Variants in GBP7 observed in about 807,000 individuals in gnomAD.
The protein encoded by GBP7 is guanylate-binding protein 7.
GBP7 carries 43 observed loss-of-function variants against 61.3 expected under a neutral mutation model. That is an observed-to-expected ratio of 0.70 (90% CI 0.55 to 0.91). GBP7 has a LOEUF of 0.91. Ranked by LOEUF, GBP7 falls within the 40% of genes least tolerant of loss-of-function variation. The pLI is 0.00. For synonymous variants in GBP7, 267 were observed against 271.0 expected (o/e 0.99, Z 0.14); for missense variants, 717 against 740.5 (o/e 0.97, Z 0.37).
intron 3 of GBP7, among the ~76,000 whole-genome samples, chr1:89,164,253 C>T (rs1350461625): frequency 6.6e-6 from 1 of 152,188 alleles, no homozygotes; most frequent in Non-Finnish European, 1.5e-5. Context: ...CCTACAAACC[C>T]CACACACCTT....
rs139544379 is a variant in GBP7 at position 89,132,390 on chromosome 1, A to G, written c.1676T>C (p.Leu559Pro). The G allele has an allele frequency of 1.6e-4, 251 of 1,608,804 alleles. 16 individuals carry two copies. Among genetic ancestry groups the G allele is most frequent in the East Asian group, 6.0e-4 (27 of 44,854 alleles). Residue 559 changes from leucine (L) to proline (P), a missense_variant, in exon 11 of 11, where the codon CTG becomes CCG. Leu to Pro is a moderately conservative substitution (Grantham distance 98, BLOSUM62 -3). Transcript: ENST00000294671. ...TATCTCTTTAAATCCTTCAGTAAGCAGTTCTTCTAGGACCTATAAAAGTAA... is the reference window on the plus strand; with the variant it reads ...TATCTCTTTAAATCCTTCAGTAAGCGGTTCTTCTAGGACCTATAAAAGTAA... Reference protein sequence around the residue: ...LSHKMKVLEELLTEGFKEIFE... With the variant: ...LSHKMKVLEEPLTEGFKEIFE...
At chr1:89,136,822 A>T (rs1410465341) in intron 9 of GBP7, among the ~76,000 whole-genome samples, 1 of 152,108 alleles carries the variant, frequency 6.6e-6, no homozygotes, top group Admixed American at 6.5e-5. Flanking sequence ...TGAAGTGAAT[A>T]AAGTGGAGAC....
At chr1:89,165,894 T>C (rs923907742) in intron 2 of GBP7, among the ~76,000 whole-genome samples, 3 of 151,978 alleles carry the variant, frequency 2.0e-5, no homozygotes, top group Admixed American at 6.6e-5. Flanking sequence ...TCTGCACATA[T>C]ATCCCTGAAC....
At position 89,141,626 on chromosome 1, in the gene GBP7, A is replaced by C. The variant is rs1214014146; in HGVS notation, c.1388T>G (p.Phe463Cys). Residue 463 changes from phenylalanine (F) to cysteine (C), a missense_variant, in exon 9 of 11, where the codon TTC becomes TGC. Transcript: ENST00000294671. ...CTCTATAACCACCTGTGACTGCAGGAAGCTCTGGAGGACCTCGTCTGCCTG... is the reference window on the plus strand; with the variant it reads ...CTCTATAACCACCTGTGACTGCAGGCAGCTCTGGAGGACCTCGTCTGCCTG... Reference protein sequence around the residue: ...GVKADEVLQSFLQSQVVIEES... With the variant: ...GVKADEVLQSCLQSQVVIEES... 4.3e-6 allele frequency: 7 copies of C among 1,613,696 alleles called. No individual in the cohort carries two copies. The highest frequency in any genetic ancestry group is 4.5e-5 in the East Asian group (2 of 44,894).
At chr1:89,133,519 A>T in intron 9 of GBP7, 68 bp from the exon 10 acceptor site, 1 of 1,304,216 alleles carries the variant, frequency 7.7e-7, no homozygotes, top group Non-Finnish European at 1.1e-6. Context: ...ATCATGGCTA[A>T]GTAGATGGAG....
At chr1:89,160,299 G>A (rs540853188) in intron 3 of GBP7, among the ~76,000 whole-genome samples, 29 of 152,104 alleles carry the variant, frequency 1.9e-4, no homozygotes, top group East Asian at 9.7e-4. Context: ...AACATGGCAC[G>A]TGTGTACATA....
At chr1:89,162,243 A>G (rs1480465940) in intron 3 of GBP7, among the ~76,000 whole-genome samples, 3 of 152,024 alleles carry the variant, frequency 2.0e-5, no homozygotes, top group African/African-American at 7.2e-5. Context: ...TGCGTTGGCT[A>G]TTTTTTGCCT....
rs1416850225 is a variant in GBP7 at position 89,152,666 on chromosome 1, A to T, written c.428+2T>A. The T allele has an allele frequency of 6.2e-7, 1 of 1,609,532 alleles. No individual in the cohort carries two copies. Among genetic ancestry groups the T allele is most frequent in the South Asian group, 1.1e-5 (1 of 90,820 alleles). ...CTGGCTCTTCACTTCCTGGAAGGAT[A>T]CTGCAGCTGCTCCAGGGCCTGGTGG... is the stretch of plus-strand genomic sequence containing the variant. On this transcript the variant is annotated splice_donor_variant, in intron 4 of 10. Transcript: ENST00000294671. LOFTEE classifies it high-confidence loss of function.
chr1:89,173,291 T>C (rs996772748), intron 1 of GBP7, among the ~76,000 whole-genome samples: 3 of 152,224 alleles, frequency 2.0e-5, no homozygotes, highest in African/African-American at 7.2e-5. Context: ...TATATGTATG[T>C]ATACTAGGAC....
chr1:89,134,504 G>A (rs1335853955), intron 9 of GBP7, among the ~76,000 whole-genome samples: 1 of 152,016 alleles, frequency 6.6e-6, no homozygotes. Flanking sequence ...TAACCTAGAG[G>A]GGCCAGAGAA....
chr1:89,147,512 C>G (rs1017777621), intron 8 of GBP7, 55 bp downstream of exon 8: 6 of 1,403,538 alleles, frequency 4.3e-6, no homozygotes, highest in Non-Finnish European at 6.0e-6. Context: ...GAAGAGGCAA[C>G]GAAGACCCTC....
chr1:89,152,671 A>G lies in GBP7; in HGVS notation c.425T>C (p.Leu142Pro), dbSNP rs375662987. Reference sequence around the variant, plus strand: ...TCTTCACTTCCTGGAAGGATACTGCAGCTGCTCCAGGGCCTGGTGGTTGAT... The same window carrying G: ...TCTTCACTTCCTGGAAGGATACTGCGGCTGCTCCAGGGCCTGGTGGTTGAT... ...GTINHQALEQ[L>P]HYVTELTELI... Residue 142 changes from leucine (L) to proline (P), a missense_variant, in exon 4 of 11, where the codon CTG (leucine) becomes CCG (proline). By Grantham distance (98) the Leu-to-Pro change is moderately conservative (BLOSUM62 -3). This residue lies in a region of GBP7 where 387 missense variants were observed against 385.2 expected (regional missense o/e 1.00). Coordinates refer to ENST00000294671, the MANE Select transcript of GBP7 (RefSeq NM_207398.3). 5.6e-6 allele frequency: 9 copies of G among 1,611,818 alleles called. No individual in the cohort carries two copies. Among genetic ancestry groups the G allele is most frequent in the Non-Finnish European group, 4.2e-6 (5 of 1,179,586 alleles).
At chr1:89,146,734 A>G (rs1682074154) in intron 8 of GBP7, among the ~76,000 whole-genome samples, 1 of 152,220 alleles carries the variant, frequency 6.6e-6, no homozygotes, top group South Asian at 2.1e-4. Context: ...ATGAAAAACC[A>G]TAATGAGATA....
chr1:89,149,367 A>G lies in GBP7; in HGVS notation c.1077T>C (p.Cys359=). ...LQELLDVHAV[C]EREAIAVFME... The stretch of plus-strand genomic sequence containing the variant: ...TGAAGACTGCAATGGCTTCCCTCTC[A>G]CAAACTGCATGCACGTCCAGCAGCT... The change falls in exon 7 of 11, where the codon TGT becomes TGC. Residue 359 remains cysteine (C), a synonymous_variant. Transcript: ENST00000294671. The G allele has an allele frequency of 6.2e-7, 1 of 1,614,088 alleles. No individual in the cohort carries two copies. The highest frequency in any genetic ancestry group is 8.5e-7 in the Non-Finnish European group (1 of 1,180,002).
chr1:89,134,985 G>A (rs1399991578), intron 9 of GBP7, among the ~76,000 whole-genome samples: 1 of 152,120 alleles, frequency 6.6e-6, no homozygotes, highest in Non-Finnish European at 1.5e-5. Flanking sequence ...AGATGAAATA[G>A]CCATTTTAAA....
At chr1:89,139,105 C>T (rs894669071) in intron 9 of GBP7, among the ~76,000 whole-genome samples, 1 of 152,012 alleles carries the variant, frequency 6.6e-6, no homozygotes, top group Non-Finnish European at 1.5e-5. Flanking sequence ...AGATATAGAT[C>T]AATGGAACAG....
chr1:89,166,925 CT>C (rs1436929035), intron 2 of GBP7, among the ~76,000 whole-genome samples: 1 of 152,208 alleles, frequency 6.6e-6, no homozygotes, highest in African/African-American at 2.4e-5. Context: ...AACAAATAAA[CT>C]TTTGTTTCAG....
chr1:89,133,508 C>A, intron 9 of GBP7, 57 bp from the exon 10 acceptor site: 1 of 1,442,776 alleles, frequency 6.9e-7, no homozygotes, highest in Non-Finnish European at 9.7e-7. Flanking sequence ...GGAGAAGAAC[C>A]ATCATGGCTA....
intron 2 of GBP7, among the ~76,000 whole-genome samples, chr1:89,171,395 A>G (rs570383215): frequency 6.6e-6 from 1 of 152,334 alleles, no homozygotes; most frequent in East Asian, 1.9e-4. Flanking sequence ...ATTACAAAAA[A>G]TAGAGAAATT....
Sources: gnomAD v4.1 joint callset for allele counts (sites outside exome capture counted in the v4.1 genomes callset) on GRCh38, gnomAD v4.1.1 for gene constraint, gnomAD v4.1.1 regional missense constraint, MANE v1.5 for transcripts, NCBI Gene and HGNC (gene_info 2026-07-23, HGNC 2026-07-21) for gene names.